DPP6: variants seen among roughly 807,000 people sequenced by gnomAD.
The protein encoded by DPP6 is dipeptidyl peptidase like 6, also known as A-type potassium channel modulatory protein DPP6.
A neutral mutation model predicts 122.6 loss-of-function variants in DPP6; 69 were observed. That is an observed-to-expected ratio of 0.56 (90% CI 0.46 to 0.69). DPP6 has a LOEUF of 0.69. DPP6 is among the 30% of genes least tolerant of loss of function. The pLI is 0.00. For missense variants in DPP6, 928 were observed against 1,116.9 expected (o/e 0.83, Z 2.41); for synonymous variants, 418 against 433.1 (o/e 0.97, Z 0.43).
chr7:154,693,785 A>G lies in DPP6; in HGVS notation c.762+24344A>G, dbSNP rs537987859. ...CCTGTAGCTCCAGGCAGACCTCCCT[A>G]TGATGTGGCCTGCCATAGTCATGTG... On this transcript the variant is annotated intron_variant, in intron 7 of 25. Transcript: ENST00000377770. 3.0e-4 allele frequency among the ~76,000 whole-genome samples: 45 copies of G among 152,258 alleles called. 1 individual carries two copies. In the South Asian group the frequency reaches 8.7e-3, roughly 29 times the overall value.
intron 10 of DPP6, among the ~76,000 whole-genome samples, chr7:154,779,075 A>G (rs1563201234): frequency 2.0e-5 from 3 of 146,744 alleles, no homozygotes; most frequent in African/African-American, 5.1e-5. Flanking sequence ...CATCACCTCC[A>G]TCACCTCCAC....
intron 1 of DPP6, among the ~76,000 whole-genome samples, chr7:154,358,960 C>T (rs574987405): frequency 6.6e-6 from 1 of 152,232 alleles, no homozygotes; most frequent in Non-Finnish European, 1.5e-5. Flanking sequence ...CCTGCCTCGG[C>T]CTCCCAAAGT....
rs3817520 is a variant in DPP6, at chr7:154,880,969, A to C, written c.2133+27A>C. 8.7e-6 allele frequency: 14 copies of C among 1,612,354 alleles called. No individual in the cohort carries two copies. The South Asian group carries it at 1.1e-4, about 13-fold the overall frequency. On this transcript the variant is annotated intron_variant, in intron 21 of 25. Transcript: ENST00000377770. Reference sequence around the variant, plus strand: ...TGAGTCTGCGCCACCCTGGTCTGAAAACCCCTCAGTTCCAGTGTGGCCTGC... The same window carrying C: ...TGAGTCTGCGCCACCCTGGTCTGAACACCCCTCAGTTCCAGTGTGGCCTGC...
At chr7:154,444,185 C>T (rs563528539) in intron 1 of DPP6, among the ~76,000 whole-genome samples, 161 of 152,186 alleles carry the variant, frequency 1.1e-3, no homozygotes, top group African/African-American at 3.7e-3. Context: ...TGGCCAGGCG[C>T]GGTGGCTCAC....
Position 154,110,110 on chromosome 7 carries a change from C to T in DPP6, c.243+57047C>T, listed in dbSNP as rs948872272. On this transcript the variant is annotated intron_variant, in intron 1 of 25. Coordinates refer to ENST00000377770, the MANE Select transcript of DPP6 (RefSeq NM_130797.4). ...GGGTGGAAACTGGTTTTTGCTGGTG[C>T]TTCCTAACATTTGTCAACTGTGGCT... is the stretch of plus-strand genomic sequence containing the variant. Among the ~76,000 whole-genome samples the T allele has an allele frequency of 2.0e-4, 30 of 151,490 alleles. 2 individuals carry two copies. Among genetic ancestry groups the T allele is most frequent in the African/African-American group, 7.3e-4 (30 of 41,198 alleles).
chr7:154,329,262 G>A (rs1300989424), intron 1 of DPP6, among the ~76,000 whole-genome samples: 1 of 152,228 alleles, frequency 6.6e-6, no homozygotes, highest in Non-Finnish European at 1.5e-5. Flanking sequence ...TTCAGCAATG[G>A]TGGAATTGTG....
In DPP6 at chr7:154,742,387, T is replaced by C. The variant is rs74961806; in HGVS notation, c.883+14500T>C. ...TTACATGGCACAAATCTTTCACACA[T>C]TTAGACACTTTTGGCAGAATGGTAT... On this transcript the variant is annotated intron_variant, in intron 8 of 25. Coordinates refer to ENST00000377770, the MANE Select transcript of DPP6 (RefSeq NM_130797.4). 6.1e-3 allele frequency among the ~76,000 whole-genome samples: 936 copies of C among 152,312 alleles called. 13 individuals carry two copies. The highest frequency in any genetic ancestry group is 0.021 in the African/African-American group (889 of 41,560).
At chr7:154,318,949 G>T (rs1807678162) in intron 1 of DPP6, among the ~76,000 whole-genome samples, 1 of 152,228 alleles carries the variant, frequency 6.6e-6, no homozygotes, top group South Asian at 2.1e-4. Flanking sequence ...CCAGGCATGT[G>T]TGTTCTTCAT....
At chr7:154,516,437 G>A (rs763324230) in intron 3 of DPP6, among the ~76,000 whole-genome samples, 1 of 152,168 alleles carries the variant, frequency 6.6e-6, no homozygotes, top group Non-Finnish European at 1.5e-5. Flanking sequence ...GGAGGCATCT[G>A]CAGTCTCCCA....
At chr7:154,891,785 C>T (rs1806632479) in intron 25 of DPP6, among the ~76,000 whole-genome samples, 1 of 152,156 alleles carries the variant, frequency 6.6e-6, no homozygotes, top group South Asian at 2.1e-4. Flanking sequence ...ACGGTTTTAC[C>T]GTGTTGGCCA....
At chr7:153,763,667 T>C in the DPP6 span, among the ~76,000 whole-genome samples, 2 of 152,198 alleles carry the variant, frequency 1.3e-5, no homozygotes, top group Non-Finnish European at 2.9e-5. Flanking sequence ...GGTTTACTAA[T>C]GTGTTATAGA....
chr7:154,891,562 G>T (rs556021298), intron 25 of DPP6, among the ~76,000 whole-genome samples: 1 of 152,162 alleles, frequency 6.6e-6, no homozygotes, highest in Non-Finnish European at 1.5e-5. Context: ...GGGTGGGCCC[G>T]TGGGCACCCA....
rs140488474 is a variant in DPP6, at chr7:154,148,221, T to G, written c.243+95158T>G. 7.4e-3 allele frequency among the ~76,000 whole-genome samples: 815 copies of G among 110,704 alleles called. 98 individuals are homozygous for G. Among genetic ancestry groups the G allele is most frequent in the African/African-American group, 0.026 (774 of 30,222 alleles). The allele number at this position is 110,704 out of a possible 152,430, so 72.6% of individuals were successfully genotyped here. ...AGTAATGGGAGGTCCCCCGTCTGAC[T>G]CACACCTGACAGTCGGGCCTGTCCC... On this transcript the variant is annotated intron_variant, in intron 1 of 25. Transcript: ENST00000377770.
Position 154,065,748 on chromosome 7 carries a change from G to C in DPP6, c.243+12685G>C, listed in dbSNP as rs138580737. Among the ~76,000 whole-genome samples the C allele has an allele frequency of 6.8e-3, 1,037 of 152,178 alleles. 6 individuals are homozygous for C. Among genetic ancestry groups the C allele is most frequent in the African/African-American group, 0.021 (870 of 41,498 alleles). Reference sequence around the variant, plus strand: ...GAGAAGCCTGAGTCCTGTGTTCCACGGACATCAGTGGCATAGAGGCCCTGA... The same window carrying C: ...GAGAAGCCTGAGTCCTGTGTTCCACCGACATCAGTGGCATAGAGGCCCTGA... On this transcript the variant is annotated intron_variant, in intron 1 of 25. Coordinates refer to ENST00000377770, the MANE Select transcript of DPP6 (RefSeq NM_130797.4).
At chr7:154,082,354 A>G (rs1804077654) in intron 1 of DPP6, among the ~76,000 whole-genome samples, 1 of 152,214 alleles carries the variant, frequency 6.6e-6, no homozygotes. Flanking sequence ...ATAGAGGAGA[A>G]AACGAAATCC....
chr7:154,604,946 T>C lies in DPP6; in HGVS notation c.628-32875T>C, dbSNP rs1467923870. ...CCAGAAACCATGACAGCATGCACTT[T>C]AGTCTTCCTCTTAATTTAAAATGAA... On this transcript the variant is annotated intron_variant, in intron 5 of 25. Coordinates refer to ENST00000377770, the MANE Select transcript of DPP6 (RefSeq NM_130797.4). 1.7e-5 allele frequency among the ~76,000 whole-genome samples: 2 copies of C among 120,332 alleles called. 1 individual carries two copies. Among genetic ancestry groups the C allele is most frequent in the Non-Finnish European group, 3.7e-5 (2 of 53,386 alleles). The allele number at this position is 120,332 out of a possible 152,430, so 78.9% of individuals were successfully genotyped here. A position where few individuals can be genotyped will look rare whatever the true frequency, so the allele number is the denominator to read the frequency against.
At chr7:153,992,950 T>C (rs1015732713) in intron 1 of DPP6, among the ~76,000 whole-genome samples, 15 of 152,076 alleles carry the variant, frequency 9.9e-5, no homozygotes, top group Non-Finnish European at 2.1e-4. Context: ...GATTTTCCAA[T>C]TTTCTTAACT....
At chr7:154,494,684 C>G (rs1363802394) in intron 3 of DPP6, among the ~76,000 whole-genome samples, 1 of 152,116 alleles carries the variant, frequency 6.6e-6, no homozygotes, top group South Asian at 2.1e-4. Flanking sequence ...TACCAAGACT[C>G]TTTTCTGCAA....
At chr7:154,532,145 T>C (rs1373393547) in intron 3 of DPP6, among the ~76,000 whole-genome samples, 1 of 152,046 alleles carries the variant, frequency 6.6e-6, no homozygotes, top group Non-Finnish European at 1.5e-5. Flanking sequence ...ATATACAGAG[T>C]ATTCTTTGAT....
Sources: gnomAD v4.1 joint callset for allele counts (sites outside exome capture counted in the v4.1 genomes callset) on GRCh38, gnomAD v4.1.1 for gene constraint, MANE v1.5 for transcripts, NCBI Gene and HGNC (gene_info 2026-07-23, HGNC 2026-07-21) for gene names.